PZP: variants seen among roughly 807,000 people sequenced by gnomAD.
The protein encoded by PZP is PZP alpha-2-macroglobulin like.
In PZP, 150 loss-of-function variants were observed where a neutral mutation model predicts 179.8. The observed-to-expected ratio is 0.83, with a 90% CI of 0.73 to 0.96. The LOEUF (loss-of-function observed/expected upper bound fraction) is 0.96, where lower values mean the gene tolerates loss of function less well. Ranked by LOEUF, PZP falls within the 40% of genes least tolerant of loss-of-function variation. The probability of loss-of-function intolerance (pLI) is 0.00; values close to 1 mark genes in which losing one functional copy is unlikely to be tolerated. For missense variants in PZP, 1,689 were observed against 1,764.0 expected (o/e 0.96, Z 0.76); for synonymous variants, 624 against 652.3 (o/e 0.96, Z 0.66).
At chr12:9,181,791 C>G (rs1273560120) in intron 14 of PZP, among the ~76,000 whole-genome samples, 184 bp downstream of exon 14, 1 of 152,054 alleles carries the variant, frequency 6.6e-6, no homozygotes, top group East Asian at 1.9e-4. Context: ...TATTTGGTAG[C>G]AGCTTTGTGT....
the PZP span, among the ~76,000 whole-genome samples, chr12:9,142,596 ATT>A: frequency 1.3e-5 from 2 of 152,306 alleles, no homozygotes; most frequent in South Asian, 2.1e-4. Flanking sequence ...AGGCCAGTCA[ATT>A]AGAGCTTTTT....
chr12:9,195,611 ATTTTTT>A (rs11398106), intron 10 of PZP, among the ~76,000 whole-genome samples: 5 of 104,248 alleles, frequency 4.8e-5, no homozygotes, highest in African/African-American at 1.5e-4. Context: ...CCCACTGCTA[ATTTTTT>A]TTTTTTTTTT....
In PZP at chr12:9,181,026, C is replaced by A. The variant is rs922687411; in HGVS notation, c.1796G>T (p.Ser599Ile). The A allele has an allele frequency of 3.1e-6, 5 of 1,614,032 alleles. No homozygotes were observed. In the Admixed American group the frequency reaches 8.3e-5, roughly 27 times the overall value. Residue 599 changes from serine to isoleucine, a missense_variant, in exon 15 of 36, where the codon AGT becomes ATT. Coordinates refer to ENST00000261336, the MANE Select transcript of PZP (RefSeq NM_002864.3). Reference protein sequence around the residue: ...SLCALRAVDQSVLLMKPEAEL... With the variant: ...SLCALRAVDQIVLLMKPEAEL... Reference sequence around the variant, plus strand: ...AGCCTCAGGCTTCATGAGCAGCACACTTTGGTCCACAGCACGAAGGGCACA... The same window carrying A: ...AGCCTCAGGCTTCATGAGCAGCACAATTTGGTCCACAGCACGAAGGGCACA...
intron 15 of PZP, among the ~76,000 whole-genome samples, chr12:9,175,381 C>A (rs764693143): frequency 5.9e-5 from 9 of 152,138 alleles, no homozygotes; most frequent in Non-Finnish European, 1.0e-4. Flanking sequence ...CTAGGCAATA[C>A]CATTCAGGAG....
chr12:9,204,109 C>G (rs1299062772), intron 1 of PZP, among the ~76,000 whole-genome samples, 158 bp from the exon 2 acceptor site: 1 of 152,130 alleles, frequency 6.6e-6, no homozygotes, highest in Non-Finnish European at 1.5e-5. Flanking sequence ...CAGATCAGCA[C>G]AAAAATTTTA....
rs767651990 is a variant in PZP, at chr12:9,165,165, G to A, written c.2461C>T (p.Leu821=). ...CGGATGCATTTGGGAAGGTAGTTTA[G>A]GACCGTGGCCTTGAGTGTGAAGACC... is the stretch of plus-strand genomic sequence containing the variant. ...GEVFTLKATV[L]NYLPKCIRVS... is the part of the protein sequence containing the mutation. Residue 821 remains leucine (L), a synonymous_variant, in exon 19 of 36, where the codon CTA becomes TTA. Coordinates refer to ENST00000261336, the MANE Select transcript of PZP (RefSeq NM_002864.3). 4 of 1,614,088 alleles carry A rather than the reference G, an allele frequency of 2.5e-6. No homozygotes were observed. Among genetic ancestry groups the A allele is most frequent in the Non-Finnish European group, 3.4e-6 (4 of 1,179,952 alleles).
In PZP at chr12:9,192,173, A is replaced by G; in HGVS notation, c.1546+20T>C. On this transcript the variant is annotated intron_variant, in intron 13 of 35. Coordinates refer to ENST00000261336, the MANE Select transcript of PZP (RefSeq NM_002864.3). Reference sequence around the variant, plus strand: ...GGATGTGTTAGGGGAGCAAGGAGAGATGAATCTGAGGATACTCACTGTCTC... The same window carrying G: ...GGATGTGTTAGGGGAGCAAGGAGAGGTGAATCTGAGGATACTCACTGTCTC... The G allele has an allele frequency of 6.2e-7, 1 of 1,604,730 alleles. No homozygotes were observed.
At chr12:9,163,330 G>A (rs983471666) in intron 21 of PZP, among the ~76,000 whole-genome samples, 18 of 150,680 alleles carry the variant, frequency 1.2e-4, no homozygotes, top group African/African-American at 4.4e-4. Context: ...CCAGGCGCCT[G>A]TAGTCCCAGC....
At position 9,202,657 on chromosome 12, in the gene PZP, C is replaced by G. The variant is rs1474253958; in HGVS notation, c.295G>C (p.Val99Leu). 6.2e-7 allele frequency: 1 copy of G among 1,613,982 alleles called. No homozygotes were observed. The highest frequency in any genetic ancestry group is 8.5e-7 in the Non-Finnish European group (1 of 1,180,004). The change falls in exon 3 of 36, where the codon GTG (valine) becomes CTG (leucine). Residue 99 changes from valine to leucine, a missense_variant. Around this residue, in one of 3 missense-constraint regions of PZP, gnomAD observed 742 missense variants for 730.5 expected, o/e 1.02. Coordinates refer to ENST00000261336, the MANE Select transcript of PZP (RefSeq NM_002864.3). ...TTTATCTGGATGCTAAGGAATGCCA[C>G]CTCTGAAGAGGCTGAGATCCTTGGG... ...TLPRISASSE[V>L]AFLSIQIKGP...
rs201197345 is a variant in PZP, at chr12:9,181,062, G to A, written c.1760C>T (p.Pro587Leu). Residue 587 changes from proline to leucine, a missense_variant, in exon 15 of 36, where the codon CCG becomes CTG. Transcript: ENST00000261336. ...SHAHLQVAAA[P>L]QSLCALRAVD... ...AGCACGAAGGGCACAGAGGGACTGC[G>A]GAGCAGCTGCTACTTGCAGGTGGGC... 1.9e-4 allele frequency: 306 copies of A among 1,614,166 alleles called. No homozygotes were observed. In the African/African-American group the frequency reaches 1.9e-3, roughly 10 times the overall value.
chr12:9,206,480 C>T (rs1944445824), intron 1 of PZP, among the ~76,000 whole-genome samples: 1 of 152,168 alleles, frequency 6.6e-6, no homozygotes, highest in Admixed American at 6.5e-5. Context: ...TATGTTTACT[C>T]AATCATGAAT....
At chr12:9,173,347 A>G (rs544016100) in intron 15 of PZP, among the ~76,000 whole-genome samples, 1 of 152,238 alleles carries the variant, frequency 6.6e-6, no homozygotes, top group Non-Finnish European at 1.5e-5. Flanking sequence ...AATTTATAGC[A>G]CTAAGTGCCT....
intron 1 of PZP, among the ~76,000 whole-genome samples, chr12:9,205,704 A>G (rs1409137133): frequency 6.6e-6 from 1 of 152,196 alleles, no homozygotes; most frequent in Admixed American, 6.5e-5. Flanking sequence ...ATTTTCTTAT[A>G]TTATTTTACT....
At chr12:9,158,752 C>CTTTTTTTTTTTTTTTTTTTT (rs200458490) in intron 25 of PZP, among the ~76,000 whole-genome samples, 176 bp from the exon 26 acceptor site, 10 of 97,808 alleles carry the variant, frequency 1.0e-4, no homozygotes, top group Admixed American at 3.8e-4. Context: ...TTTTTCTTTT[C>CTTTTTTTTTTTTTTTTTTTT]TTTTCTTTTT....
At chr12:9,196,283 G>T in intron 10 of PZP, 47 bp downstream of exon 10, 1 of 1,347,426 alleles carries the variant, frequency 7.4e-7, no homozygotes, top group Non-Finnish European at 1.1e-6. Context: ...CCTGTGCTTA[G>T]GTGCAACTGG....
chr12:9,144,723 T>C (rs760803257), downstream of PZP, among the ~76,000 whole-genome samples: 1 of 152,254 alleles, frequency 6.6e-6, no homozygotes, highest in Admixed American at 6.5e-5. Flanking sequence ...AGAAGTTTAT[T>C]GTGGGGTTGG....
chr12:9,164,444 T>A lies in PZP; in HGVS notation c.2488-185A>T, dbSNP rs547630620. Among the ~76,000 whole-genome samples, 57 of 152,330 alleles carry A rather than the reference T, an allele frequency of 3.7e-4. No individual in the cohort carries two copies. The South Asian group carries it at 0.011, about 30-fold the overall frequency. On this transcript the variant is annotated intron_variant, in intron 19 of 35. Transcript: ENST00000261336. Reference sequence around the variant, plus strand: ...CAATGATACAAATCAAGATTGGTTGTGTATTAGGAGGATTTGGCATTTGCC... The same window carrying A: ...CAATGATACAAATCAAGATTGGTTGAGTATTAGGAGGATTTGGCATTTGCC...
rs139073960 is a variant in PZP, at chr12:9,200,349, A to C, written c.755+15T>G. 48,408 of 1,550,066 alleles carry C rather than the reference A, an allele frequency of 0.031. 971 individuals are homozygous for C. The highest frequency in any genetic ancestry group is 0.13 in the Middle Eastern group (764 of 5,880). ...GGCAAAATATAAAATTTTAGATAAA[A>C]ACAATGTAACTCACTCTCCACAGAC... On this transcript the variant is annotated intron_variant, in intron 7 of 35. Transcript: ENST00000261336.
At chr12:9,202,231 C>A in intron 4 of PZP, 88 bp downstream of exon 4, 1 of 1,216,568 alleles carries the variant, frequency 8.2e-7, no homozygotes, top group Admixed American at 1.8e-5. Context: ...GTCTTTCATC[C>A]TCTCGCTTTT....
Sources: allele counts gnomAD v4.1 joint callset (sites outside exome capture counted in the v4.1 genomes callset), GRCh38; gene constraint gnomAD v4.1.1; regional missense constraint gnomAD v4.1.1; transcripts MANE v1.5; gene names NCBI Gene and HGNC (gene_info 2026-07-23, HGNC 2026-07-21).